Variants in MRPS5 observed in about 807,000 individuals in gnomAD.
The protein encoded by MRPS5 is small ribosomal subunit protein uS5m.
MRPS5 carries 27 observed loss-of-function variants against 51.9 expected under a neutral mutation model. The observed-to-expected ratio is 0.52, with a 90% CI of 0.38 to 0.72. The LOEUF (loss-of-function observed/expected upper bound fraction) is 0.72. MRPS5 is among the 30% of genes least tolerant of loss of function. The pLI is 0.00. For missense variants in MRPS5, 570 were observed against 545.7 expected (o/e 1.04, Z -0.44); for synonymous variants, 196 against 193.2 (o/e 1.01, Z -0.12).
intron 6 of MRPS5, 44 bp from the exon 7 acceptor site, chr2:95,104,774 C>T: frequency 6.3e-7 from 1 of 1,591,738 alleles, no homozygotes; most frequent in Non-Finnish European, 8.6e-7. Context: ...TTAAGAAAAT[C>T]TGAAGGAGGG....
chr2:95,097,338 A>G (rs1356804351), intron 10 of MRPS5, among the ~76,000 whole-genome samples: 2 of 152,206 alleles, frequency 1.3e-5, no homozygotes, highest in African/African-American at 4.8e-5. Context: ...GGAAAACACT[A>G]CTTTAAAGTG....
In MRPS5 at chr2:95,087,661, A is replaced by G. The variant is rs1168348175; in HGVS notation, c.1069-80T>C. ...AGAGCAGGAACTTCCACAGGCCACA[A>G]CAGTACAGCCTGGGGGTATTCAAAG... On this transcript the variant is annotated intron_variant, in intron 11 of 11. Transcript: ENST00000272418. The G allele has an allele frequency of 5.8e-6, 7 of 1,215,870 alleles. No homozygotes were observed. The Admixed American group carries it at 1.5e-4, about 27-fold the overall frequency. The allele number at this position is 1,215,870 out of a possible 1,614,324, so 75.3% of individuals were successfully genotyped here. A position where few individuals can be genotyped will look rare whatever the true frequency, so the allele number is the denominator to read the frequency against.
chr2:95,110,572 G>A (rs1573345953), intron 3 of MRPS5, among the ~76,000 whole-genome samples: 1 of 152,334 alleles, frequency 6.6e-6, no homozygotes, highest in East Asian at 1.9e-4. Context: ...GGAGACTGAG[G>A]CAGGAGGATC....
At chr2:95,102,471 G>A (rs1304930875) in intron 7 of MRPS5, among the ~76,000 whole-genome samples, 2 of 152,106 alleles carry the variant, frequency 1.3e-5, no homozygotes, top group Non-Finnish European at 2.9e-5. Flanking sequence ...AGATGAGCCC[G>A]GGCAACATAG....
At position 95,117,899 on chromosome 2, in the gene MRPS5, AGC is replaced by A; in HGVS notation, c.103_104del (p.Ala35PhefsTer50). On this transcript the variant is annotated frameshift_variant, in exon 2 of 12. Coordinates refer to ENST00000272418, the MANE Select transcript of MRPS5 (RefSeq NM_031902.5). LOFTEE classifies it high-confidence loss of function. ...RQCSLNTLPA[A>X]SILAWKSVLG... Reference sequence around the variant, plus strand: ...GAACACTCTTCCATGCCAAAATGGAAGCTGCTGGTAAGGTGTTTAGGGAACAC... The same window carrying A: ...GAACACTCTTCCATGCCAAAATGGAATGCTGGTAAGGTGTTTAGGGAACAC... The A allele has an allele frequency of 6.2e-7, 1 of 1,609,352 alleles. No homozygotes were observed. Among genetic ancestry groups the A allele is most frequent in the South Asian group, 1.1e-5 (1 of 89,704 alleles).
Position 95,109,902 on chromosome 2 carries a change from A to G in MRPS5, c.403+14T>C. 1 of 1,599,786 alleles carries G rather than the reference A, an allele frequency of 6.3e-7. No homozygotes were observed. The highest frequency in any genetic ancestry group is 2.1e-4 in the Middle Eastern group (1 of 4,656). On this transcript the variant is annotated intron_variant, in intron 4 of 11. Coordinates refer to ENST00000272418, the MANE Select transcript of MRPS5 (RefSeq NM_031902.5). ...CTTACAAAGCACTTTAGCTATTTTT[A>G]TAAATAAGTTTACCTTCACCAATGA... is the stretch of plus-strand genomic sequence containing the variant.
chr2:95,106,802 C>G, intron 5 of MRPS5: 1 of 343,266 alleles, frequency 2.9e-6, no homozygotes, highest in African/African-American at 2.1e-5. Flanking sequence ...ATCATTTCCA[C>G]GAAACTTTGT....
chr2:95,118,430 G>T (rs1263325542), intron 1 of MRPS5, among the ~76,000 whole-genome samples: 1 of 152,228 alleles, frequency 6.6e-6, no homozygotes, highest in East Asian at 1.9e-4. Flanking sequence ...ATGGCCCCAA[G>T]CTTCCACACC....
At chr2:95,120,890 C>T (rs1676423895) in intron 1 of MRPS5, among the ~76,000 whole-genome samples, 1 of 152,086 alleles carries the variant, frequency 6.6e-6, no homozygotes, top group Non-Finnish European at 1.5e-5. Flanking sequence ...GAGGCTGAGG[C>T]GGGTGGATCA....
rs771437920 is a variant in MRPS5 at position 95,090,379 on chromosome 2, G to A, written c.1068+7C>T. ...AACCTCTGTTTCAGACCCCGGGAAA[G>A]GATTACCTGTCTGGAGAGCCCACGG... On this transcript the variant is annotated splice_region_variant and intron_variant, in intron 11 of 11. Coordinates refer to ENST00000272418, the MANE Select transcript of MRPS5 (RefSeq NM_031902.5). 1.2e-6 allele frequency: 2 copies of A among 1,613,016 alleles called. No individual in the cohort carries two copies. The highest frequency in any genetic ancestry group is 3.3e-5 in the Admixed American group (2 of 59,980).
chr2:95,109,398 G>A (rs921798758), intron 4 of MRPS5, among the ~76,000 whole-genome samples: 17 of 152,248 alleles, frequency 1.1e-4, no homozygotes, highest in African/African-American at 3.4e-4. Flanking sequence ...AAACAATCAC[G>A]TGTTCTGGGT....
intron 9 of MRPS5, 65 bp from the exon 10 acceptor site, chr2:95,100,601 T>C (rs1675766585): frequency 5.5e-6 from 7 of 1,278,616 alleles, no homozygotes; most frequent in African/African-American, 1.5e-5. Context: ...TTTGCAAATA[T>C]CACAAAGCAA....
At chr2:95,114,975 T>C in intron 3 of MRPS5, 91 bp downstream of exon 3, 1 of 1,200,624 alleles carries the variant, frequency 8.3e-7, no homozygotes, top group South Asian at 1.9e-5. Context: ...ATCACTAAAA[T>C]CTTAATTCAT....
At chr2:95,091,540 G>C (rs1675467668) in intron 10 of MRPS5, 1 of 152,272 alleles carries the variant, frequency 6.6e-6, no homozygotes. Flanking sequence ...CCAGAGCCCA[G>C]AGCAGTACCT....
intron 10 of MRPS5, among the ~76,000 whole-genome samples, chr2:95,096,186 ATAAT>A (rs1355647797): frequency 2.0e-5 from 3 of 152,222 alleles, no homozygotes; most frequent in African/African-American, 7.2e-5. Flanking sequence ...AATTGAGGCA[ATAAT>A]TAATAGCCTA....
intron 4 of MRPS5, 54 bp from the exon 5 acceptor site, chr2:95,108,462 TG>T: frequency 1.4e-6 from 2 of 1,438,042 alleles, no homozygotes; most frequent in Non-Finnish European, 1.9e-6. Flanking sequence ...ATTTTTCAAG[TG>T]TTAAAATGTC....
rs1487042930 is a variant in MRPS5, at chr2:95,109,950, T to C, written c.369A>G (p.Arg123=). The C allele has an allele frequency of 8.1e-6, 13 of 1,613,884 alleles. No individual in the cohort carries two copies. The highest frequency in any genetic ancestry group is 1.0e-5 in the Non-Finnish European group (12 of 1,179,998). ...TGATCTGACCCCTGTTCAGATCCTTTCTTTTCTTCTTTTTAGTTCTTTTGC... is the reference window on the plus strand; with the variant it reads ...TGATCTGACCCCTGTTCAGATCCTTCCTTTTCTTCTTTTTAGTTCTTTTGC... The part of the protein sequence containing the change: ...GRGKRTKKKK[R]KDLNRGQIIG... Residue 123 remains arginine (R), a synonymous_variant, in exon 4 of 12, where the codon AGA becomes AGG. Transcript: ENST00000272418.
At position 95,108,559 on chromosome 2, in the gene MRPS5, T is replaced by C. The variant is rs1676021316; in HGVS notation, c.404-151A>G. Reference sequence around the variant, plus strand: ...TAACTTGGTAGGTCACTTGGCACAATCAAAATTTTAAATATACTTCATGGT... The same window carrying C: ...TAACTTGGTAGGTCACTTGGCACAACCAAAATTTTAAATATACTTCATGGT... On this transcript the variant is annotated intron_variant, in intron 4 of 11. Transcript: ENST00000272418. 5 of 669,820 alleles carry C rather than the reference T, an allele frequency of 7.5e-6. No individual in the cohort carries two copies. In the South Asian group the frequency reaches 1.0e-4, roughly 14 times the overall value. The allele number at this position is 669,820 out of a possible 1,614,324, so 41.5% of individuals were successfully genotyped here. A position where few individuals can be genotyped will look rare whatever the true frequency, so the allele number is the denominator to read the frequency against.
At chr2:95,098,314 A>G (rs983835034) in intron 10 of MRPS5, among the ~76,000 whole-genome samples, 2 of 152,208 alleles carry the variant, frequency 1.3e-5, no homozygotes, top group African/African-American at 4.8e-5. Context: ...TAGAAATACC[A>G]TTTGACCCAG....
Sources: gnomAD v4.1 joint callset for allele counts (sites outside exome capture counted in the v4.1 genomes callset) on GRCh38, gnomAD v4.1.1 for gene constraint, MANE v1.5 for transcripts, NCBI Gene and HGNC (gene_info 2026-07-23, HGNC 2026-07-21) for gene names.